Variants in SLC25A41 observed in about 807,000 individuals in gnomAD.
The protein encoded by SLC25A41 is mitochondrial carrier protein SCaMC-3L.
A neutral mutation model predicts 34.7 loss-of-function variants in SLC25A41; 35 were observed. The ratio of observed to expected loss-of-function variants is 1.01; its 90% CI spans 0.77 to 1.34. SLC25A41 has a LOEUF of 1.34. SLC25A41 is among the 40% of genes most tolerant of loss of function. The pLI, the probability that SLC25A41 is intolerant of heterozygous loss-of-function variation, is 0.00. For missense variants in SLC25A41, 492 were observed against 489.8 expected, an observed-to-expected ratio of 1.00 and a Z score of -0.04; for synonymous variants, 190 against 209.9, an observed-to-expected ratio of 0.91 and a Z score of 0.82.
chr19:6,429,891 G>A (rs559270545), intron 3 of SLC25A41, 60 bp from the exon 4 acceptor site: 9 of 1,590,596 alleles, frequency 5.7e-6, no homozygotes, highest in African/African-American at 4.0e-5. Flanking sequence ...CAAAACCCGC[G>A]CAGGGAAGAG....
chr19:6,431,763 G>A lies in SLC25A41; in HGVS notation c.363+286C>T, dbSNP rs549383310. On this transcript the variant is annotated intron_variant, in intron 2 of 6. Transcript: ENST00000321510. ...TGGCCCCTACCTTGTCTTTAAACTCGTCCAAAGACCCCATCCCCAATTCCC... is the reference window on the plus strand; with the variant it reads ...TGGCCCCTACCTTGTCTTTAAACTCATCCAAAGACCCCATCCCCAATTCCC... Among the ~76,000 whole-genome samples the A allele has an allele frequency of 5.3e-5, 8 of 151,978 alleles. No homozygotes were observed. In the East Asian group the frequency reaches 9.7e-4, roughly 18 times the overall value.
At chr19:6,430,634 A>C (rs8103638) in intron 2 of SLC25A41, 138,856 of 282,016 alleles carry the variant, frequency 0.49, 36,140 homozygotes, top group East Asian at 0.7. Flanking sequence ...ATTACAGGCT[A>C]GTGTCACCAC....
At position 6,427,658 on chromosome 19, in the gene SLC25A41, C is replaced by T. The variant is rs2092250159; in HGVS notation, c.625-157G>A. 6.6e-6 allele frequency among the ~76,000 whole-genome samples: 1 copy of T among 152,214 alleles called. No individual in the cohort carries two copies. Among genetic ancestry groups the T allele is most frequent in the Non-Finnish European group, 1.5e-5 (1 of 68,042 alleles). ...GATCTGTCAGATTCCATGGAATGCT[C>T]TCTGAATTTTGAGTTCTGAAGCACA... On this transcript the variant is annotated intron_variant, in intron 4 of 6. Transcript: ENST00000321510. The surrounding 1 kb of genome is among the most constrained non-coding windows in gnomAD (Gnocchi z 4.9).
intron 2 of SLC25A41, 136 bp downstream of exon 2, chr19:6,431,913 G>C: frequency 9.6e-7 from 1 of 1,040,162 alleles, no homozygotes; most frequent in South Asian, 1.8e-5. Context: ...CTCAATCTCA[G>C]CTAGTCCAGG....
At chr19:6,429,365 GGAGGGAGAAAGGAAAGGAA>G in intron 4 of SLC25A41, among the ~76,000 whole-genome samples, 1 of 106,926 alleles carries the variant, frequency 9.4e-6, no homozygotes, top group African/African-American at 3.5e-5. Context: ...GGAGAAAGGA[GGAGGGAGAAAGGAAAGGAA>G]GAGGGGAGGA....
chr19:6,429,119 TTA>T lies in SLC25A41; in HGVS notation c.624+603_624+604del, dbSNP rs1347653345. 8.6e-4 allele frequency among the ~76,000 whole-genome samples: 47 copies of T among 54,956 alleles called. 4 individuals are homozygous for T. The highest frequency in any genetic ancestry group is 1.9e-3 in the African/African-American group (18 of 9,362). 36.1% of individuals were successfully genotyped at this position (54,956 alleles called of 152,430 possible). A position where few individuals can be genotyped will look rare whatever the true frequency, so the allele number is the denominator to read the frequency against. ...GTTACATATATATATAATATATATATTATATATATGTTATATATATATATAAT... is the reference window on the plus strand; with the variant it reads ...GTTACATATATATATAATATATATATTATATATGTTATATATATATATAAT... On this transcript the variant is annotated intron_variant, in intron 4 of 6. Transcript: ENST00000321510.
intron 2 of SLC25A41, 95 bp from the exon 3 acceptor site, chr19:6,430,256 CACCCAACCCCA>C: frequency 7.3e-7 from 1 of 1,375,140 alleles, no homozygotes; most frequent in Non-Finnish European, 9.7e-7. Context: ...CCTCCCAAGC[CACCCAACCCCA>C]ACCCATCCCC....
In SLC25A41 at chr19:6,427,359, G is replaced by A. The variant is rs2092247561; in HGVS notation, c.767C>T (p.Ala256Val). The A allele has an allele frequency of 6.2e-7, 1 of 1,610,198 alleles. No homozygotes were observed. Among genetic ancestry groups the A allele is most frequent in the Non-Finnish European group, 8.5e-7 (1 of 1,177,882 alleles). The change falls in exon 5 of 7, where the codon GCC (alanine) becomes GTC (valine). Residue 256 changes from alanine to valine, a missense_variant. Transcript: ENST00000321510. This position sits in a 1 kb window ranked among gnomAD's most constrained non-coding sequence, Gnocchi z 4.9. Reference protein sequence around the residue: ...LPNMLGIIPYACTDLAVYEML... With the variant: ...LPNMLGIIPYVCTDLAVYEML... ...CTCATAGACAGCCAGGTCGGTGCAG[G>A]CATAGGGGATGATGCCGAGCATATT...
chr19:6,432,473 A>ATTTT (rs34519561), intron 1 of SLC25A41, among the ~76,000 whole-genome samples: 11 of 80,992 alleles, frequency 1.4e-4, no homozygotes, highest in Admixed American at 3.4e-4. Flanking sequence ...ACAACACCTA[A>ATTTT]TTTTTTTTTT....
In SLC25A41 at chr19:6,433,549, C is replaced by G. The variant is rs369734573; in HGVS notation, c.145G>C (p.Val49Leu). 6.4e-6 allele frequency: 10 copies of G among 1,566,494 alleles called. No individual in the cohort carries two copies. The Admixed American group carries it at 1.7e-4, about 27-fold the overall frequency. The change falls in exon 1 of 7, where the codon GTG becomes CTG. Residue 49 changes from valine (V) to leucine (L), a missense_variant. Coordinates refer to ENST00000321510, the MANE Select transcript of SLC25A41 (RefSeq NM_173637.4). ...ATGTGGCCAAACGCGTACCCATACA[C>G]GTGTGTACAGCCAGGGTTCCAGGAT... ...PPSWNPGCTH[V>L]YGYAFGHMHD...
chr19:6,427,757 C>T lies in SLC25A41; in HGVS notation c.625-256G>A, dbSNP rs139508858. 3.9e-4 allele frequency among the ~76,000 whole-genome samples: 59 copies of T among 152,186 alleles called. No homozygotes were observed. The highest frequency in any genetic ancestry group is 1.3e-3 in the African/African-American group (55 of 41,528). The stretch of plus-strand genomic sequence containing the variant: ...TTCCCAGCCCTTTGGGAGGCTGAGG[C>T]GGGAGGATCGCTTGAGGCCGGGAGT... On this transcript the variant is annotated intron_variant, in intron 4 of 6. Transcript: ENST00000321510. The surrounding 1 kb of genome is among the most constrained non-coding windows in gnomAD (Gnocchi z 4.9).
At chr19:6,429,891 G>T (rs559270545) in intron 3 of SLC25A41, 60 bp from the exon 4 acceptor site, 4 of 1,590,478 alleles carry the variant, frequency 2.5e-6, no homozygotes, top group Non-Finnish European at 3.4e-6. Context: ...CAAAACCCGC[G>T]CAGGGAAGAG....
At position 6,427,379 on chromosome 19, in the gene SLC25A41, C is replaced by T; in HGVS notation, c.747G>A (p.Met249Ile). ...TGCAGGCATAGGGGATGATGCCGAG[C>T]ATATTGGGCAGGTAGCCGCGGTAAA... Reference protein sequence around the residue: ...RALYRGYLPNMLGIIPYACTD... With the variant: ...RALYRGYLPNILGIIPYACTD... Residue 249 changes from methionine to isoleucine, a missense_variant, in exon 5 of 7, where the codon ATG becomes ATA. Coordinates refer to ENST00000321510, the MANE Select transcript of SLC25A41 (RefSeq NM_173637.4). This position sits in a 1 kb window ranked among gnomAD's most constrained non-coding sequence, Gnocchi z 4.9. The T allele has an allele frequency of 6.2e-7, 1 of 1,611,732 alleles. No homozygotes were observed. Among genetic ancestry groups the T allele is most frequent in the Non-Finnish European group, 8.5e-7 (1 of 1,178,956 alleles).
At chr19:6,433,908 T>C (rs1210845923), upstream of SLC25A41, 1 of 462,140 alleles carries the variant, frequency 2.2e-6, no homozygotes, top group Non-Finnish European at 3.8e-6. Flanking sequence ...AAATATGTTA[T>C]CGTTATAAAT....
chr19:6,433,064 T>C (rs367561395), intron 1 of SLC25A41, among the ~76,000 whole-genome samples: 11 of 152,116 alleles, frequency 7.2e-5, no homozygotes, highest in African/African-American at 2.2e-4. Context: ...ATTCTTATTT[T>C]TTGAGACAGA....
Position 6,432,032 on chromosome 19 carries a change from C to T in SLC25A41, c.363+17G>A. On this transcript the variant is annotated intron_variant, in intron 2 of 6. Transcript: ENST00000321510. ...GCTCCAGCGCTGGGTCCCGTCCTCC[C>T]CCCAACCCACACAAACCTGCATGTA... 2 of 1,604,306 alleles carry T rather than the reference C, an allele frequency of 1.2e-6. No homozygotes were observed. Among genetic ancestry groups the T allele is most frequent in the Non-Finnish European group, 1.7e-6 (2 of 1,174,724 alleles).
Position 6,429,993 on chromosome 19 carries a change from G to T in SLC25A41, c.516+16C>A, listed in dbSNP as rs2092277580. ...TTTGGGCTTGAGCTGGGGGAAGCAG[G>T]CCCCTCATTCCCCACCTGCTCGAAT... is the stretch of plus-strand genomic sequence containing the variant. On this transcript the variant is annotated intron_variant, in intron 3 of 6. Transcript: ENST00000321510. 3 of 1,609,680 alleles carry T rather than the reference G, an allele frequency of 1.9e-6. No homozygotes were observed. The highest frequency in any genetic ancestry group is 1.7e-6 in the Non-Finnish European group (2 of 1,178,052).
chr19:6,430,375 A>G (rs530507392), intron 2 of SLC25A41: 1 of 550,896 alleles, frequency 1.8e-6, no homozygotes, highest in African/African-American at 2.1e-5. Flanking sequence ...TTCCCACCTC[A>G]CCCCTCCTCT....
intron 2 of SLC25A41, among the ~76,000 whole-genome samples, chr19:6,431,071 C>T (rs949446425): frequency 2.0e-5 from 3 of 151,940 alleles, no homozygotes; most frequent in Non-Finnish European, 4.4e-5. Context: ...CCACTTTGGC[C>T]TCCCAAAGTG....
Sources: gnomAD v4.1 joint callset for allele counts (sites outside exome capture counted in the v4.1 genomes callset) on GRCh38, gnomAD v4.1.1 for gene constraint, Gnocchi (gnomAD v3.1) non-coding constraint, MANE v1.5 for transcripts, NCBI Gene and HGNC (gene_info 2026-07-23, HGNC 2026-07-21) for gene names.